SIPA1L3: variants seen among roughly 807,000 people sequenced by gnomAD.
The protein encoded by SIPA1L3 is signal-induced proliferation-associated 1-like protein 3.
Under a neutral mutation model 150.1 loss-of-function variants are expected in SIPA1L3, and 59 were observed. The ratio of observed to expected loss-of-function variants is 0.39; its 90% CI spans 0.32 to 0.49. SIPA1L3 has a LOEUF of 0.49. Among genes scored for constraint, SIPA1L3 ranks in the 20% least tolerant of loss-of-function variants. The probability of loss-of-function intolerance (pLI) is 0.86; values close to 1 mark genes in which losing one functional copy is unlikely to be tolerated. For synonymous variants in SIPA1L3, 1,070 were observed against 1,077.6 expected, an observed-to-expected ratio of 0.99 and a Z score of 0.14; for missense variants, 2,211 against 2,489.5, an observed-to-expected ratio of 0.89 and a Z score of 2.38.
In SIPA1L3 at chr19:38,082,612, G is replaced by C. The variant is rs754800128; in HGVS notation, c.1047G>C (p.Leu349=). The C allele has an allele frequency of 1.2e-6, 2 of 1,604,440 alleles. No homozygotes were observed. Among genetic ancestry groups the C allele is most frequent in the African/African-American group, 2.7e-5 (2 of 74,934 alleles). The part of the protein sequence containing the change: ...SFAHFDVQSM[L]FDLNEAAANR... ...CCCACTTCGACGTGCAGAGCATGCT[G>C]TTCGACCTCAACGAGGCGGCCGCCA... The change falls in exon 3 of 22, where the codon CTG becomes CTC. Residue 349 remains leucine (L), a synonymous_variant. Coordinates refer to ENST00000222345, the MANE Select transcript of SIPA1L3 (RefSeq NM_015073.3).
chr19:38,043,286 G>A (rs57844882), intron 2 of SIPA1L3, among the ~76,000 whole-genome samples: 25,152 of 152,126 alleles, frequency 0.17, 2,164 homozygotes, highest in South Asian at 0.27. Context: ...GTTGCAGTGA[G>A]CTGAGATCAC....
At chr19:37,908,471 C>T (rs1198418417) in intron 1 of SIPA1L3, among the ~76,000 whole-genome samples, 4 of 152,210 alleles carry the variant, frequency 2.6e-5, no homozygotes, top group Non-Finnish European at 5.9e-5. Context: ...TGCTCCCATC[C>T]TCAGTGTCCC....
intron 2 of SIPA1L3, among the ~76,000 whole-genome samples, chr19:38,077,452 A>T: frequency 6.6e-6 from 1 of 151,560 alleles, no homozygotes; most frequent in East Asian, 1.9e-4. Context: ...CCCTGTCTCT[A>T]AAAAAAATAA....
At chr19:37,951,757 C>T (rs2046766072) in intron 1 of SIPA1L3, among the ~76,000 whole-genome samples, 1 of 151,828 alleles carries the variant, frequency 6.6e-6, no homozygotes, top group Admixed American at 6.6e-5. Flanking sequence ...ATTAGCCGGG[C>T]ATGGTGGCGG....
At chr19:37,967,001 C>T (rs953190061) in intron 1 of SIPA1L3, among the ~76,000 whole-genome samples, 1 of 152,076 alleles carries the variant, frequency 6.6e-6, no homozygotes, top group Non-Finnish European at 1.5e-5. Flanking sequence ...TACCACACCC[C>T]GGTAGCCTAA....
intron 3 of SIPA1L3, among the ~76,000 whole-genome samples, chr19:38,088,418 C>T (rs1261641212): frequency 6.6e-6 from 1 of 152,262 alleles, no homozygotes; most frequent in African/African-American, 2.4e-5. Context: ...ATATTTGTAG[C>T]TTCATTTTTG....
At position 37,934,906 on chromosome 19, in the gene SIPA1L3, G is replaced by A. The variant is rs2046587130; in HGVS notation, c.-379+27548G>A. 2.6e-5 allele frequency among the ~76,000 whole-genome samples: 4 copies of A among 152,126 alleles called. No individual in the cohort carries two copies. The South Asian group carries it at 8.3e-4, about 32-fold the overall frequency. ...TTTTAGTGGCTGCGTAACACACAGT[G>A]GTGTGGATGCACCATAATTGATTTG... On this transcript the variant is annotated intron_variant, in intron 1 of 21. Transcript: ENST00000222345.
chr19:37,987,551 C>T (rs1179363849), intron 1 of SIPA1L3, among the ~76,000 whole-genome samples: 1 of 152,174 alleles, frequency 6.6e-6, no homozygotes, highest in Non-Finnish European at 1.5e-5. Context: ...AGTAACAGCA[C>T]CCCCCAGCGG....
At chr19:38,189,774 T>C (rs1487993160) in intron 16 of SIPA1L3, among the ~76,000 whole-genome samples, 3 of 151,914 alleles carry the variant, frequency 2.0e-5, no homozygotes, top group Non-Finnish European at 4.4e-5. Context: ...TCAAAAAAAA[T>C]AGAAAAAGAA....
At chr19:38,094,384 G>A (rs945772238) in intron 4 of SIPA1L3, among the ~76,000 whole-genome samples, 3 of 152,150 alleles carry the variant, frequency 2.0e-5, no homozygotes, top group Non-Finnish European at 4.4e-5. Context: ...AAGTAGCTGA[G>A]ACCACAGGCA....
intron 17 of SIPA1L3, among the ~76,000 whole-genome samples, chr19:38,192,618 C>A (rs1261623774): frequency 6.6e-6 from 1 of 152,180 alleles, no homozygotes; most frequent in Non-Finnish European, 1.5e-5. Flanking sequence ...ATAGAAACAG[C>A]CACATCCACC....
chr19:37,918,731 C>G (rs1208347802), intron 1 of SIPA1L3, among the ~76,000 whole-genome samples: 1 of 151,778 alleles, frequency 6.6e-6, no homozygotes, highest in Non-Finnish European at 1.5e-5. Flanking sequence ...ATTAGCCAGG[C>G]ATGGTGGTGG....
intron 8 of SIPA1L3, among the ~76,000 whole-genome samples, chr19:38,111,896 T>G (rs1447615722): frequency 6.6e-6 from 1 of 151,444 alleles, no homozygotes; most frequent in Non-Finnish European, 1.5e-5. Context: ...CACAGGCACA[T>G]GCACACACAC....
chr19:37,948,539 C>T (rs1374371168), intron 1 of SIPA1L3, among the ~76,000 whole-genome samples: 2 of 151,802 alleles, frequency 1.3e-5, no homozygotes, highest in African/African-American at 2.4e-5. Flanking sequence ...AGTCATTGTT[C>T]CTCTGTTTCC....
At chr19:38,168,639 G>A (rs910828164) in intron 15 of SIPA1L3, among the ~76,000 whole-genome samples, 12 of 152,062 alleles carry the variant, frequency 7.9e-5, no homozygotes, top group African/African-American at 2.9e-4. Context: ...GGGAGGATTT[G>A]AAATCCGAGA....
At chr19:38,190,203 G>A (rs1972776612) in intron 16 of SIPA1L3, among the ~76,000 whole-genome samples, 1 of 152,166 alleles carries the variant, frequency 6.6e-6, no homozygotes, top group Admixed American at 6.5e-5. Flanking sequence ...TGCACTGGCT[G>A]GGGGGCGTGC....
At chr19:37,958,778 T>G (rs935139406) in intron 1 of SIPA1L3, among the ~76,000 whole-genome samples, 1 of 152,218 alleles carries the variant, frequency 6.6e-6, no homozygotes, top group Non-Finnish European at 1.5e-5. Context: ...AGAAGATAAT[T>G]GCAAATCATG....
chr19:38,019,485 T>C (rs1270541885), intron 1 of SIPA1L3, among the ~76,000 whole-genome samples: 2 of 152,172 alleles, frequency 1.3e-5, no homozygotes, highest in Non-Finnish European at 2.9e-5. Flanking sequence ...CAGCTTGTAT[T>C]TACCTTGCAT....
chr19:38,150,004 G>A (rs968626615), intron 12 of SIPA1L3, among the ~76,000 whole-genome samples: 5 of 152,166 alleles, frequency 3.3e-5, no homozygotes, highest in Non-Finnish European at 4.4e-5. Flanking sequence ...TCAACACTCC[G>A]AACTCCAGCA....
Sources: allele counts gnomAD v4.1 joint callset (sites outside exome capture counted in the v4.1 genomes callset), GRCh38; gene constraint gnomAD v4.1.1; transcripts MANE v1.5; gene names NCBI Gene and HGNC (gene_info 2026-07-23, HGNC 2026-07-21).